ARHGEF11: variants seen among roughly 807,000 people sequenced by gnomAD.
ARHGEF11 encodes the protein Rho guanine exchange factor (GEF) 11.
A neutral mutation model predicts 193.7 loss-of-function variants in ARHGEF11; 55 were observed. The ratio of observed to expected loss-of-function variants is 0.28; its 90% confidence interval spans 0.23 to 0.36. ARHGEF11 has a LOEUF of 0.36. Among genes scored for constraint, ARHGEF11 ranks in the 10% least tolerant of loss-of-function variants. The probability of loss-of-function intolerance (pLI) is 1.00; values close to 1 mark genes in which losing one functional copy is unlikely to be tolerated. For missense variants in ARHGEF11, 1,723 were observed against 2,005.6 expected, an observed-to-expected ratio of 0.86 and a Z score of 2.69; for synonymous variants, 693 against 768.0, an observed-to-expected ratio of 0.90 and a Z score of 1.62.
At position 156,977,028 on chromosome 1, in the gene ARHGEF11, G is replaced by C. The variant is rs766948546; in HGVS notation, c.537C>G (p.Thr179=). Residue 179 remains threonine (T), a synonymous_variant, in exon 7 of 41, where the codon ACC becomes ACG. Transcript: ENST00000368194. ...GCCTCAGCATATTCCTGAGGATCTG[G>C]GTGGCATGTTTTTGAACTTCGGGAT... is the stretch of plus-strand genomic sequence containing the variant. ...LQDPEVQKHA[T]QILRNMLRQE... 1 of 1,613,902 alleles carries C rather than the reference G, an allele frequency of 6.2e-7. No individual in the cohort carries two copies. Among genetic ancestry groups the C allele is most frequent in the South Asian group, 1.1e-5 (1 of 91,046 alleles).
chr1:157,026,364 G>A (rs765558510), intron 1 of ARHGEF11, among the ~76,000 whole-genome samples: 1 of 152,148 alleles, frequency 6.6e-6, no homozygotes, highest in Non-Finnish European at 1.5e-5. Context: ...CCTAATGGGA[G>A]TGCATTTTTT....
chr1:157,019,677 T>C (rs1458281057), intron 1 of ARHGEF11, among the ~76,000 whole-genome samples: 4 of 151,936 alleles, frequency 2.6e-5, no homozygotes, highest in Non-Finnish European at 5.9e-5. Context: ...TACTCAGCAA[T>C]GAAAAGGAAC....
At chr1:157,036,897 G>A (rs572298640) in intron 1 of ARHGEF11, among the ~76,000 whole-genome samples, 4 of 152,064 alleles carry the variant, frequency 2.6e-5, no homozygotes, top group African/African-American at 7.2e-5. Flanking sequence ...AGGTGGAGGC[G>A]GGCGGATCAC....
rs890885440 is a variant in ARHGEF11, at chr1:156,947,785, C to A, written c.2325G>T (p.Arg775=). 1.9e-6 allele frequency: 3 copies of A among 1,613,212 alleles called. No homozygotes were observed. Among genetic ancestry groups the A allele is most frequent in the African/African-American group, 1.3e-5 (1 of 74,890 alleles). The change falls in exon 25 of 41, where the codon CGG becomes CGT. Residue 775 remains arginine, a synonymous_variant. Transcript: ENST00000368194. ...VAGLTQREID[R]QEVINELFVT... ...CGTTCTCACCATTGATGACCTCTTGCCGGTCAATCTCCCGCTGGGTTAGCC... is the reference window on the plus strand; with the variant it reads ...CGTTCTCACCATTGATGACCTCTTGACGGTCAATCTCCCGCTGGGTTAGCC...
chr1:156,960,325 G>C, intron 15 of ARHGEF11, 93 bp downstream of exon 15: 1 of 1,291,040 alleles, frequency 7.7e-7, no homozygotes, highest in Non-Finnish European at 1.1e-6. Context: ...CCCAAGGACA[G>C]GGACTATGTC....
rs539427922 is a variant in ARHGEF11, at chr1:157,007,041, A to C, written c.33-20868T>G. 6.6e-5 allele frequency among the ~76,000 whole-genome samples: 10 copies of C among 152,330 alleles called. No homozygotes were observed. In the East Asian group the frequency reaches 1.5e-3, roughly 24 times the overall value. On this transcript the variant is annotated intron_variant, in intron 1 of 40. Transcript: ENST00000368194. Reference sequence around the variant, plus strand: ...AGGGGGAGGCGGCAGAGGTACCAGGACATGACTGACTGGGTAAATGAAGAG... The same window carrying C: ...AGGGGGAGGCGGCAGAGGTACCAGGCCATGACTGACTGGGTAAATGAAGAG...
At chr1:156,944,464 T>G in intron 30 of ARHGEF11, 31 bp from the exon 31 acceptor site, 1 of 1,587,848 alleles carries the variant, frequency 6.3e-7, no homozygotes, top group Non-Finnish European at 8.6e-7. Context: ...ATTCATTCAT[T>G]CATTCATTCA....
Position 156,956,551 on chromosome 1 carries a change from A to T in ARHGEF11, c.1540T>A (p.Phe514Ile), listed in dbSNP as rs570921103. 3 of 1,614,086 alleles carry T rather than the reference A, an allele frequency of 1.9e-6. No homozygotes were observed. The highest frequency in any genetic ancestry group is 2.5e-6 in the Non-Finnish European group (3 of 1,180,040). ...YEEDRSAPMDFALNTYMSHAG... is the reference protein window; with the variant it reads ...YEEDRSAPMDIALNTYMSHAG... ...TGGCTCATGTAGGTATTGAGGGCGA[A>T]GTCCATGGGGGCGCTGTAAAAGAGG... The change falls in exon 19 of 41, where the codon TTC becomes ATC. Residue 514 changes from phenylalanine (F) to isoleucine (I), a missense_variant. Around this residue, in one of 5 missense-constraint regions of ARHGEF11, gnomAD observed 646 missense variants for 710.7 expected, o/e 0.91. Coordinates refer to ENST00000368194, the MANE Select transcript of ARHGEF11 (RefSeq NM_198236.3).
Position 156,941,908 on chromosome 1 carries a change from G to C in ARHGEF11, c.3408C>G (p.Pro1136=), listed in dbSNP as rs773789046. The stretch of plus-strand genomic sequence containing the variant: ...GCTGGGCTGGCTCCCGGGGACCTGG[G>C]GGTGGAGGATGGACGGGCATTGGGG... ...GAAPMPVHPP[P]PGPREPAQQG... is the part of the protein sequence containing the mutation. The change falls in exon 34 of 41, where the codon CCC becomes CCG. Residue 1136 remains proline, a synonymous_variant. Coordinates refer to ENST00000368194, the MANE Select transcript of ARHGEF11 (RefSeq NM_198236.3). 1.9e-6 allele frequency: 3 copies of C among 1,613,838 alleles called. No individual in the cohort carries two copies. The highest frequency in any genetic ancestry group is 2.7e-5 in the African/African-American group (2 of 74,940).
At chr1:156,941,148 G>A (rs1431538240) in intron 35 of ARHGEF11, among the ~76,000 whole-genome samples, 1 of 152,140 alleles carries the variant, frequency 6.6e-6, no homozygotes, top group African/African-American at 2.4e-5. Context: ...GGCTGGGTGG[G>A]AATTTCTGGT....
At chr1:156,965,591 TCCA>T (rs771715359) in intron 11 of ARHGEF11, among the ~76,000 whole-genome samples, 7 of 152,168 alleles carry the variant, frequency 4.6e-5, no homozygotes, top group Non-Finnish European at 8.8e-5. Flanking sequence ...ACCTTTCCCC[TCCA>T]CATTGTAAGA....
rs142134087 is a variant in ARHGEF11, at chr1:156,956,548, C to T, written c.1543G>A (p.Ala515Thr). The stretch of plus-strand genomic sequence containing the variant: ...GCATGGCTCATGTAGGTATTGAGGG[C>T]GAAGTCCATGGGGGCGCTGTAAAAG... ...EEDRSAPMDFALNTYMSHAGI... is the reference protein window; with the variant it reads ...EEDRSAPMDFTLNTYMSHAGI... Residue 515 changes from alanine (A) to threonine (T), a missense_variant, in exon 19 of 41, where the codon GCC becomes ACC. Coordinates refer to ENST00000368194, the MANE Select transcript of ARHGEF11 (RefSeq NM_198236.3). The T allele has an allele frequency of 9.3e-5, 150 of 1,614,062 alleles. No homozygotes were observed. Among genetic ancestry groups the T allele is most frequent in the Middle Eastern group, 6.6e-4 (4 of 6,060 alleles).
Position 157,044,740 on chromosome 1 carries a change from T to G in ARHGEF11, c.-410A>C. ...TGCAAAGTACAGATAAAACCATCCT[T>G]TAAATCCAGCTTTCTCAGCTGTCCT... On this transcript the variant is annotated 5_prime_UTR_variant, in exon 1 of 41. Coordinates refer to ENST00000368194, the MANE Select transcript of ARHGEF11 (RefSeq NM_198236.3). 1 of 393,774 alleles carries G rather than the reference T, an allele frequency of 2.5e-6. No homozygotes were observed. The highest frequency in any genetic ancestry group is 4.5e-6 in the Non-Finnish European group (1 of 223,774). The allele number at this position is 393,774 out of a possible 1,614,324, so 24.4% of individuals were successfully genotyped here.
At chr1:156,954,740 G>A in intron 21 of ARHGEF11, 152 bp downstream of exon 21, 2 of 745,400 alleles carry the variant, frequency 2.7e-6, no homozygotes, top group Non-Finnish European at 4.6e-6. Flanking sequence ...TAGCAACAAT[G>A]AGCAACGCAT....
At chr1:156,986,037 C>T in intron 2 of ARHGEF11, 45 bp downstream of exon 2, 1 of 1,494,152 alleles carries the variant, frequency 6.7e-7, no homozygotes, top group Non-Finnish European at 9.3e-7. Flanking sequence ...AGGCATGTGC[C>T]ACCATGCCTG....
intron 1 of ARHGEF11, among the ~76,000 whole-genome samples, chr1:156,988,920 C>T (rs1409360620): frequency 6.6e-6 from 1 of 152,010 alleles, no homozygotes; most frequent in African/African-American, 2.4e-5. Flanking sequence ...ATTGTGTCAG[C>T]TGGGTTGTGA....
chr1:156,943,400 G>GATGCCC (rs1657486044), intron 32 of ARHGEF11, among the ~76,000 whole-genome samples: 1 of 152,160 alleles, frequency 6.6e-6, no homozygotes, highest in Non-Finnish European at 1.5e-5. Context: ...CATCCCTTTT[G>GATGCCC]ATGCCCACAA....
In ARHGEF11 at chr1:156,948,032, C is replaced by G; in HGVS notation, c.2154-76G>C. On this transcript the variant is annotated intron_variant, in intron 24 of 40. Coordinates refer to ENST00000368194, the MANE Select transcript of ARHGEF11 (RefSeq NM_198236.3). This position sits in a 1 kb window ranked among gnomAD's most constrained non-coding sequence, Gnocchi z 4.2. ...GAGGGTTTGGCCCTCCCTCTCCTGC[C>G]CGACCTGCTTGCCCCATGCACATGG... 6.4e-7 allele frequency: 1 copy of G among 1,565,520 alleles called. No homozygotes were observed. Among genetic ancestry groups the G allele is most frequent in the Non-Finnish European group, 8.7e-7 (1 of 1,150,020 alleles).
At chr1:157,017,421 G>C (rs923730360) in intron 1 of ARHGEF11, among the ~76,000 whole-genome samples, 1 of 152,072 alleles carries the variant, frequency 6.6e-6, no homozygotes, top group Non-Finnish European at 1.5e-5. Flanking sequence ...TAAAGAAATG[G>C]AGAAGGCCGG....
Sources: gnomAD v4.1 joint callset for allele counts (sites outside exome capture counted in the v4.1 genomes callset) on GRCh38, gnomAD v4.1.1 for gene constraint, gnomAD v4.1.1 regional missense constraint, Gnocchi (gnomAD v3.1) non-coding constraint, MANE v1.5 for transcripts, NCBI Gene and HGNC (gene_info 2026-07-23, HGNC 2026-07-21) for gene names.